Variants in NUAK1 observed in about 807,000 individuals in gnomAD.
The protein encoded by NUAK1 is NUAK family kinase 1, also known as NUAK family SNF1-like kinase 1.
Under a neutral mutation model 56.9 loss-of-function variants are expected in NUAK1, and 26 were observed. The observed-to-expected ratio is 0.46, with a 90% CI of 0.33 to 0.63. The LOEUF is 0.63. Among genes scored for constraint, NUAK1 ranks in the 30% least tolerant of loss-of-function variants. The probability of loss-of-function intolerance (pLI) is 0.02; values close to 1 mark genes in which losing one functional copy is unlikely to be tolerated. For synonymous variants in NUAK1, 337 were observed against 336.0 expected (o/e 1.00, Z -0.03); for missense variants, 727 against 876.1 (o/e 0.83, Z 2.15).
At chr12:106,111,041 T>C (rs2032853502) in intron 1 of NUAK1, among the ~76,000 whole-genome samples, 3 of 151,780 alleles carry the variant, frequency 2.0e-5, no homozygotes, top group African/African-American at 4.8e-5. Context: ...GGATGCAGAG[T>C]AGAAGAGTAA....
At chr12:106,117,195 C>CA (rs1185351713) in intron 1 of NUAK1, among the ~76,000 whole-genome samples, 1 of 152,334 alleles carries the variant, frequency 6.6e-6, no homozygotes, top group East Asian at 1.9e-4. Flanking sequence ...CCCATGCCAA[C>CA]AGGCAGGCAC....
chr12:106,073,109 T>C (rs73397115), intron 4 of NUAK1, among the ~76,000 whole-genome samples: 2,113 of 152,348 alleles, frequency 0.014, 45 homozygotes, highest in African/African-American at 0.044. Flanking sequence ...TACTTAGAAA[T>C]TACTCTTTAA....
chr12:106,112,628 G>A (rs763433803), intron 1 of NUAK1, among the ~76,000 whole-genome samples: 19 of 152,178 alleles, frequency 1.2e-4, no homozygotes, highest in Non-Finnish European at 1.8e-4. Context: ...GTGATGCAAC[G>A]GGCCCCATGG....
At chr12:106,118,067 C>A (rs970021041) in intron 1 of NUAK1, among the ~76,000 whole-genome samples, 8 of 152,228 alleles carry the variant, frequency 5.3e-5, no homozygotes, top group African/African-American at 1.9e-4. Flanking sequence ...TTGCTGAAGT[C>A]GGGCAGTCTA....
At chr12:106,113,738 C>G (rs145165419) in intron 1 of NUAK1, among the ~76,000 whole-genome samples, 11 of 151,004 alleles carry the variant, frequency 7.3e-5, no homozygotes, top group African/African-American at 2.2e-4. Flanking sequence ...TAAACACAGG[C>G]TTCCTTGAGG....
At chr12:106,126,895 C>A (rs1051443609) in intron 1 of NUAK1, among the ~76,000 whole-genome samples, 1 of 152,190 alleles carries the variant, frequency 6.6e-6, no homozygotes, top group Non-Finnish European at 1.5e-5. Context: ...TCTGGCCTCA[C>A]TGGGACCAAA....
intron 1 of NUAK1, among the ~76,000 whole-genome samples, chr12:106,108,225 T>C (rs757421310): frequency 1.3e-5 from 2 of 152,066 alleles, no homozygotes; most frequent in Non-Finnish European, 2.9e-5. Context: ...ACGACAAGCA[T>C]AATAGTAAGA....
intron 4 of NUAK1, among the ~76,000 whole-genome samples, chr12:106,073,415 G>A (rs1158787366): frequency 1.3e-5 from 2 of 151,994 alleles, no homozygotes; most frequent in Non-Finnish European, 2.9e-5. Flanking sequence ...CACAGCATTG[G>A]GTTTTGAGTC....
chr12:106,133,571 C>T lies in NUAK1; in HGVS notation c.240+4843G>A, dbSNP rs138632659. Reference sequence around the variant, plus strand: ...ACCTAACCTCCCTATGTGTCATTTTCCCCATCTGTAAAATGGGTCTCACTA... The same window carrying T: ...ACCTAACCTCCCTATGTGTCATTTTTCCCATCTGTAAAATGGGTCTCACTA... On this transcript the variant is annotated intron_variant, in intron 1 of 6. Coordinates refer to ENST00000261402, the MANE Select transcript of NUAK1 (RefSeq NM_014840.3). 2.6e-5 allele frequency among the ~76,000 whole-genome samples: 4 copies of T among 152,270 alleles called. No individual in the cohort carries two copies. In the South Asian group the frequency reaches 8.3e-4, roughly 32 times the overall value.
rs1367325353 is a variant in NUAK1 at position 106,066,549 on chromosome 12, G to A, written c.*253C>T. ...CAATACCACCTCCCCTGGACAGCTGGTCCTCTAGGAGGTGCCATAAAGCAA... is the reference window on the plus strand; with the variant it reads ...CAATACCACCTCCCCTGGACAGCTGATCCTCTAGGAGGTGCCATAAAGCAA... On this transcript the variant is annotated 3_prime_UTR_variant, in exon 7 of 7. Coordinates refer to ENST00000261402, the MANE Select transcript of NUAK1 (RefSeq NM_014840.3). 17 of 528,450 alleles carry A rather than the reference G, an allele frequency of 3.2e-5. No homozygotes were observed. The highest frequency in any genetic ancestry group is 5.4e-5 in the Non-Finnish European group (16 of 294,126). The allele number at this position is 528,450 out of a possible 1,614,324, so 32.7% of individuals were successfully genotyped here.
At chr12:106,101,436 A>C (rs74322571) in intron 2 of NUAK1, among the ~76,000 whole-genome samples, 57 of 152,286 alleles carry the variant, frequency 3.7e-4, no homozygotes, top group African/African-American at 1.3e-3. Context: ...TTACGGAGAT[A>C]AGTTAAAATG....
chr12:106,097,651 C>T (rs569968791), intron 2 of NUAK1, among the ~76,000 whole-genome samples: 2 of 152,298 alleles, frequency 1.3e-5, no homozygotes, highest in East Asian at 3.9e-4. Flanking sequence ...AGAAATACAG[C>T]CCTGCTTTTG....
chr12:106,107,864 C>T (rs2032817974), intron 1 of NUAK1, among the ~76,000 whole-genome samples: 1 of 152,236 alleles, frequency 6.6e-6, no homozygotes, highest in Non-Finnish European at 1.5e-5. Flanking sequence ...CAGGTTATGT[C>T]TGACTAGCAG....
chr12:106,067,315 C>T lies in NUAK1; in HGVS notation c.1473G>A (p.Leu491=), dbSNP rs1477076352. 1 of 1,614,174 alleles carries T rather than the reference C, an allele frequency of 6.2e-7. No homozygotes were observed. Among genetic ancestry groups the T allele is most frequent in the East Asian group, 2.2e-5 (1 of 44,878 alleles). Residue 491 remains leucine (L), a synonymous_variant, in exon 7 of 7, where the codon TTG becomes TTA. Coordinates refer to ENST00000261402, the MANE Select transcript of NUAK1 (RefSeq NM_014840.3). The surrounding 1 kb of genome is among the most constrained non-coding windows in gnomAD (Gnocchi z 6.0). ...TGCTGCCCATCACATCATTACTGTC[C>T]AACAGCTCCGAAGACTCACTGCGCT... The part of the protein sequence containing the change: ...SPERSESSEL[L]DSNDVMGSSI...
intron 1 of NUAK1, among the ~76,000 whole-genome samples, chr12:106,121,754 A>G (rs556451088): frequency 1.3e-5 from 2 of 151,936 alleles, no homozygotes; most frequent in African/African-American, 4.8e-5. Flanking sequence ...TGTCTCGGGA[A>G]AAAAAAAGGT....
intron 2 of NUAK1, among the ~76,000 whole-genome samples, chr12:106,093,968 T>A (rs1349631206): frequency 6.9e-6 from 1 of 144,800 alleles, no homozygotes; most frequent in Non-Finnish European, 1.5e-5. Context: ...CTGGCTAATC[T>A]TTGTAATTTT....
At chr12:106,088,787 C>T (rs1592852216) in intron 2 of NUAK1, among the ~76,000 whole-genome samples, 1 of 152,342 alleles carries the variant, frequency 6.6e-6, no homozygotes, top group Non-Finnish European at 1.5e-5. Flanking sequence ...GGCAGACACA[C>T]ATTCAATGAA....
rs181967250 is a variant in NUAK1 at position 106,107,753 on chromosome 12, A to C, written c.241-1228T>G. Among the ~76,000 whole-genome samples, 117 of 152,346 alleles carry C rather than the reference A, an allele frequency of 7.7e-4. 1 individual carries two copies. The East Asian group carries it at 0.015, about 20-fold the overall frequency. ...TTGTACCAGCTCTCCACCAAGCACT[A>C]CAAACAAAAACATTTCTAAAATGCA... On this transcript the variant is annotated intron_variant, in intron 1 of 6. Coordinates refer to ENST00000261402, the MANE Select transcript of NUAK1 (RefSeq NM_014840.3).
chr12:106,073,957 T>G (rs1018286497), intron 4 of NUAK1, among the ~76,000 whole-genome samples: 8 of 152,182 alleles, frequency 5.3e-5, no homozygotes, highest in African/African-American at 1.9e-4. Context: ...TTTCTTGAAG[T>G]GTTTTATGTG....
Sources: allele counts gnomAD v4.1 joint callset (sites outside exome capture counted in the v4.1 genomes callset), GRCh38; gene constraint gnomAD v4.1.1; non-coding constraint Gnocchi (gnomAD v3.1); transcripts MANE v1.5; gene names NCBI Gene and HGNC (gene_info 2026-07-23, HGNC 2026-07-21).